Variants in LPGAT1 observed in about 807,000 individuals in gnomAD.
LPGAT1 encodes the protein lysophosphatidylglycerol acyltransferase 1, also known as acyl-CoA:lysophosphatidylglycerol acyltransferase 1.
LPGAT1 carries 11 observed loss-of-function variants against 47.5 expected under a neutral mutation model. The ratio of observed to expected loss-of-function variants is 0.23; its 90% CI spans 0.15 to 0.38. The LOEUF (loss-of-function observed/expected upper bound fraction) is 0.38, where lower values mean the gene tolerates loss of function less well. Among genes scored for constraint, LPGAT1 ranks in the 10% least tolerant of loss-of-function variants. The pLI is 1.00. For missense variants in LPGAT1, 293 were observed against 439.0 expected (o/e 0.67, Z 2.97); for synonymous variants, 138 against 144.2 (o/e 0.96, Z 0.31).
At chr1:211,786,597 C>T (rs1220692127) in intron 4 of LPGAT1, among the ~76,000 whole-genome samples, 1 of 152,156 alleles carries the variant, frequency 6.6e-6, no homozygotes, top group Non-Finnish European at 1.5e-5. Context: ...ATTCCTAATG[C>T]TTGGGACTTC....
chr1:211,820,929 G>T (rs1660348223), intron 2 of LPGAT1, among the ~76,000 whole-genome samples: 1 of 152,170 alleles, frequency 6.6e-6, no homozygotes, highest in Non-Finnish European at 1.5e-5. Context: ...GAGAGATAAA[G>T]GGAGAATCCC....
In LPGAT1 at chr1:211,745,433, A is replaced by C. The variant is rs920864904; in HGVS notation, c.*4466T>G. ...ATGCATAGACTCCTTACACGTAAAG[A>C]ATTTGTGCATCACAGTCATGTGTTC... is the stretch of plus-strand genomic sequence containing the variant. On this transcript the variant is annotated 3_prime_UTR_variant, in exon 8 of 8. Coordinates refer to ENST00000366997, the MANE Select transcript of LPGAT1 (RefSeq NM_014873.3). The C allele has an allele frequency of 2.6e-5, 4 of 152,240 alleles. No individual in the cohort carries two copies. Among genetic ancestry groups the C allele is most frequent in the Admixed American group, 2.6e-4 (4 of 15,280 alleles). The allele number at this position is 152,240 out of a possible 1,614,324, so 9.4% of individuals were successfully genotyped here.
intron 3 of LPGAT1, among the ~76,000 whole-genome samples, chr1:211,791,847 G>A (rs1250890239): frequency 2.0e-5 from 3 of 149,144 alleles, no homozygotes; most frequent in Middle Eastern, 3.5e-3. Context: ...TCAGCACCTT[G>A]ATAAGATGAA....
chr1:211,776,220 G>T (rs1658394040), intron 6 of LPGAT1, among the ~76,000 whole-genome samples: 1 of 152,066 alleles, frequency 6.6e-6, no homozygotes, highest in Non-Finnish European at 1.5e-5. Flanking sequence ...ACTACTTTCT[G>T]ACTGTCATAT....
chr1:211,808,967 G>A (rs1659861822), intron 2 of LPGAT1, among the ~76,000 whole-genome samples: 1 of 151,942 alleles, frequency 6.6e-6, no homozygotes, highest in Non-Finnish European at 1.5e-5. Context: ...GGAGGCTGAG[G>A]TGGGCGGATC....
At chr1:211,754,289 A>G (rs899538404) in intron 6 of LPGAT1, among the ~76,000 whole-genome samples, 6 of 152,160 alleles carry the variant, frequency 3.9e-5, no homozygotes, top group African/African-American at 1.4e-4. Flanking sequence ...TTTCAACCTC[A>G]TTTCCACAGG....
intron 2 of LPGAT1, among the ~76,000 whole-genome samples, chr1:211,804,885 AG>A (rs145708635): frequency 0.023 from 3,526 of 152,300 alleles, 64 homozygotes; most frequent in Non-Finnish European, 0.03. Context: ...ATAAATCAAA[AG>A]TATAAAAATT....
chr1:211,748,248 C>G lies in LPGAT1; in HGVS notation c.*1651G>C, dbSNP rs992360495. On this transcript the variant is annotated 3_prime_UTR_variant, in exon 8 of 8. Transcript: ENST00000366997. ...ATCTTAATAGTCTTACAATCCCAAA[C>G]AAAAACCCTACTCATCTCACTGATG... 4.6e-5 allele frequency: 7 copies of G among 152,696 alleles called. No homozygotes were observed. The highest frequency in any genetic ancestry group is 2.0e-4 in the Admixed American group (3 of 15,302). 9.5% of individuals were successfully genotyped at this position (152,696 alleles called of 1,614,324 possible).
chr1:211,828,920 C>A, intron 2 of LPGAT1, 139 bp downstream of exon 2: 1 of 744,036 alleles, frequency 1.3e-6, no homozygotes. Flanking sequence ...GAAGAGAAAC[C>A]CAATAGAACT....
intron 5 of LPGAT1, among the ~76,000 whole-genome samples, chr1:211,782,395 A>G (rs1488610388): frequency 6.6e-6 from 1 of 152,196 alleles, no homozygotes; most frequent in Non-Finnish European, 1.5e-5. Flanking sequence ...TTAACACTTA[A>G]TGCTCTTAAT....
At chr1:211,818,382 C>T (rs76135385) in intron 2 of LPGAT1, among the ~76,000 whole-genome samples, 254 of 152,238 alleles carry the variant, frequency 1.7e-3, no homozygotes, top group Middle Eastern at 3.4e-3. Context: ...TCCAGCAAAT[C>T]GTTACTATGC....
At chr1:211,754,669 G>T (rs1571691577) in intron 6 of LPGAT1, among the ~76,000 whole-genome samples, 1 of 152,150 alleles carries the variant, frequency 6.6e-6, no homozygotes, top group African/African-American at 2.4e-5. Context: ...TAGGCAAAAT[G>T]AGTGTTAGTT....
chr1:211,751,929 C>G (rs1657204658), intron 6 of LPGAT1, among the ~76,000 whole-genome samples: 2 of 152,094 alleles, frequency 1.3e-5, no homozygotes, highest in Admixed American at 6.6e-5. Flanking sequence ...CATGTTTCTT[C>G]TGTTTTAGGC....
chr1:211,805,317 G>T (rs536559459), intron 2 of LPGAT1, among the ~76,000 whole-genome samples: 1 of 152,216 alleles, frequency 6.6e-6, no homozygotes, highest in East Asian at 1.9e-4. Context: ...TGAAAATACA[G>T]CAAGTCAAAA....
At chr1:211,786,566 T>C (rs1462227573) in intron 4 of LPGAT1, among the ~76,000 whole-genome samples, 2 of 152,230 alleles carry the variant, frequency 1.3e-5, no homozygotes, top group Non-Finnish European at 2.9e-5. Flanking sequence ...GAGGCTATCA[T>C]TCTTCTTCCT....
intron 6 of LPGAT1, among the ~76,000 whole-genome samples, chr1:211,756,591 C>T (rs1657464836): frequency 6.6e-6 from 1 of 152,086 alleles, no homozygotes; most frequent in Admixed American, 6.5e-5. Flanking sequence ...TCTTCGGTCT[C>T]CCAAAGTGGT....
chr1:211,810,305 T>C (rs1659921622), intron 2 of LPGAT1, among the ~76,000 whole-genome samples: 2 of 152,116 alleles, frequency 1.3e-5, no homozygotes, highest in African/African-American at 2.4e-5. Flanking sequence ...ATGAAGTAAT[T>C]AATGCAATTC....
intron 6 of LPGAT1, among the ~76,000 whole-genome samples, chr1:211,759,936 T>C (rs1396900727): frequency 6.6e-6 from 1 of 152,262 alleles, no homozygotes; most frequent in Non-Finnish European, 1.5e-5. Flanking sequence ...AATGTAGTAG[T>C]AATTTTGAAA....
chr1:211,795,665 C>G (rs910595829), intron 2 of LPGAT1, among the ~76,000 whole-genome samples: 6 of 152,114 alleles, frequency 3.9e-5, no homozygotes, highest in African/African-American at 1.2e-4. Flanking sequence ...CCGCGCCCAG[C>G]CTAGTTATGT....
Sources: allele counts gnomAD v4.1 joint callset (sites outside exome capture counted in the v4.1 genomes callset), GRCh38; gene constraint gnomAD v4.1.1; transcripts MANE v1.5; gene names NCBI Gene and HGNC (gene_info 2026-07-23, HGNC 2026-07-21).